Variants in ARHGAP11B observed in about 807,000 individuals in gnomAD.
ARHGAP11B encodes Rho GTPase activating protein 11B.
Under a neutral mutation model 27.6 loss-of-function variants are expected in ARHGAP11B, and 14 were observed. That is an observed-to-expected ratio of 0.51 (90% CI 0.34 to 0.79). The LOEUF is 0.79. Among genes scored for constraint, ARHGAP11B ranks in the 30% least tolerant of loss-of-function variants. ARHGAP11B has a pLI of 0.02. For missense variants in ARHGAP11B, 245 were observed against 320.1 expected (o/e 0.77, Z 1.79); for synonymous variants, 82 against 114.1 (o/e 0.72, Z 1.80).
At chr15:30,629,446 C>T (rs1244539516) in intron 1 of ARHGAP11B, among the ~76,000 whole-genome samples, 2 of 151,908 alleles carry the variant, frequency 1.3e-5, no homozygotes, top group African/African-American at 2.4e-5. Context: ...CCCAGCTACT[C>T]GGGAAGCTGA....
At chr15:30,642,621 G>A (rs2060322286) in intron 7 of ARHGAP11B, among the ~76,000 whole-genome samples, 1 of 151,648 alleles carries the variant, frequency 6.6e-6, no homozygotes, top group Non-Finnish European at 1.5e-5. Flanking sequence ...ATTTTATATA[G>A]ATAACAGTAA....
chr15:30,646,691 C>G (rs1186684213), intron 9 of ARHGAP11B, among the ~76,000 whole-genome samples: 8 of 151,338 alleles, frequency 5.3e-5, no homozygotes. Flanking sequence ...GAAATTAGCC[C>G]AGGCGCAGTG....
chr15:30,636,903 A>G (rs535271917), intron 6 of ARHGAP11B, among the ~76,000 whole-genome samples: 9 of 152,070 alleles, frequency 5.9e-5, no homozygotes, highest in African/African-American at 2.2e-4. Context: ...AAATGACCTC[A>G]TTTTAACTCG....
At chr15:30,644,982 C>T (rs1436862631) in intron 8 of ARHGAP11B, among the ~76,000 whole-genome samples, 2 of 151,734 alleles carry the variant, frequency 1.3e-5, no homozygotes, top group South Asian at 4.1e-4. Context: ...GGGCCTCCTC[C>T]CTTCCGTTCA....
chr15:30,646,588 G>A (rs1391830902), intron 9 of ARHGAP11B, among the ~76,000 whole-genome samples: 1 of 151,840 alleles, frequency 6.6e-6, no homozygotes, highest in African/African-American at 2.4e-5. Context: ...GTGAACCCCA[G>A]GGGCGCGGAG....
chr15:30,635,605 T>C lies in ARHGAP11B; in HGVS notation c.779T>C (p.Ile260Thr), dbSNP rs982807770. 3.3e-5 allele frequency: 54 copies of C among 1,613,340 alleles called. No homozygotes were observed. Among genetic ancestry groups the C allele is most frequent in the Non-Finnish European group, 4.5e-5 (53 of 1,179,622 alleles). ...GTGAATATGAAACTCCTGGTGAATA[T>C]AAGAGAAAGAGAAGACAACGTGTAG... The change falls in exon 6 of 11, where the codon ATA becomes ACA. Residue 260 changes from isoleucine (I) to threonine (T), a missense_variant. By Grantham distance (89) the Ile-to-Thr change is moderately conservative. Around this residue, in one of 3 missense-constraint regions of ARHGAP11B, gnomAD observed 129 missense variants for 159.9 expected, o/e 0.81. Coordinates refer to ENST00000428041, the Ensembl canonical transcript of ARHGAP11B.
intron 1 of ARHGAP11B, among the ~76,000 whole-genome samples, chr15:30,627,458 A>G (rs1486923851): frequency 6.6e-6 from 1 of 152,090 alleles, no homozygotes; most frequent in East Asian, 1.9e-4. Flanking sequence ...ATGAATCTGT[A>G]GATGAAGTAT....
chr15:30,641,157 G>T (rs551087696), intron 7 of ARHGAP11B, among the ~76,000 whole-genome samples: 39 of 151,786 alleles, frequency 2.6e-4, no homozygotes, highest in African/African-American at 8.5e-4. Context: ...AATAATAATC[G>T]TATTATTTTT....
chr15:30,648,800 A>G (rs1398802364), exon 11 of ARHGAP11B: 1 of 152,014 alleles, frequency 6.6e-6, no homozygotes, highest in Non-Finnish European at 1.5e-5. Context: ...CGATGCTGGT[A>G]AAATATGGGT....
chr15:30,626,771 A>T (rs763438128), exon 1 of ARHGAP11B: 5 of 1,572,638 alleles, frequency 3.2e-6, no homozygotes, highest in South Asian at 1.2e-5. Flanking sequence ...CTTGGTGGCG[A>T]ACGAGGGTCA....
chr15:30,643,865 G>A (rs1595679334), intron 7 of ARHGAP11B, among the ~76,000 whole-genome samples: 1 of 152,032 alleles, frequency 6.6e-6, no homozygotes, highest in South Asian at 2.1e-4. Flanking sequence ...AATGATGGTT[G>A]AATTTTTAAT....
chr15:30,633,832 A>T (rs2060261158), intron 3 of ARHGAP11B, among the ~76,000 whole-genome samples: 1 of 151,766 alleles, frequency 6.6e-6, no homozygotes, highest in African/African-American at 2.4e-5. Flanking sequence ...AAAATGAAAA[A>T]ATGTGTTAAG....
intron 2 of ARHGAP11B, among the ~76,000 whole-genome samples, chr15:30,632,149 C>T (rs1211755380): frequency 6.4e-5 from 1 of 15,634 alleles, no homozygotes; most frequent in African/African-American, 2.9e-4. Flanking sequence ...TAGCCGGGCG[C>T]GGGGGCTCAC....
At chr15:30,648,844 A>G (rs1376784227) in exon 11 of ARHGAP11B, 6 of 152,040 alleles carry the variant, frequency 3.9e-5, no homozygotes, top group African/African-American at 4.8e-5. Context: ...GCTTAATAAT[A>G]AGGGTAATTC....
chr15:30,633,494 C>T (rs2060258609), exon 3 of ARHGAP11B: 1 of 1,608,766 alleles, frequency 6.2e-7, no homozygotes, highest in Non-Finnish European at 8.5e-7. Context: ...TTTCAGCTTT[C>T]TTGTCGATGC....
chr15:30,641,208 A>T (rs1157172675), intron 7 of ARHGAP11B, among the ~76,000 whole-genome samples: 1 of 152,086 alleles, frequency 6.6e-6, no homozygotes, highest in Non-Finnish European at 1.5e-5. Flanking sequence ...GCCACAATTC[A>T]ACAAATTCCA....
At chr15:30,639,288 T>C (rs2060300962) in intron 7 of ARHGAP11B, among the ~76,000 whole-genome samples, 1 of 151,598 alleles carries the variant, frequency 6.6e-6, no homozygotes, top group Non-Finnish European at 1.5e-5. Flanking sequence ...AAAAATAATA[T>C]TTAGATTAGT....
Position 30,646,280 on chromosome 15 carries a change from T to C in ARHGAP11B, c.*309T>C, listed in dbSNP as rs145453249. On this transcript the variant is annotated 3_prime_UTR_variant, in exon 9 of 11. Transcript: ENST00000428041. ...GTCACCAGGAGGTGGCCACCAGGCT[T>C]CTCCTTTCCCCGCTGGTAGGCCTCT... 7,883 of 971,490 alleles carry C rather than the reference T, an allele frequency of 8.1e-3. 258 individuals are homozygous for C. In the African/African-American group the frequency reaches 0.082, roughly 10 times the overall value. The allele number at this position is 971,490 out of a possible 1,614,324, so 60.2% of individuals were successfully genotyped here. A position where few individuals can be genotyped will look rare whatever the true frequency, so the allele number is the denominator to read the frequency against.
intron 7 of ARHGAP11B, among the ~76,000 whole-genome samples, chr15:30,639,975 T>A (rs1422321853): frequency 4.0e-4 from 37 of 92,980 alleles, no homozygotes; most frequent in African/African-American, 1.2e-3. Flanking sequence ...ATATAGAGTG[T>A]GTGTGTGTGT....
Sources: gnomAD v4.1 joint callset for allele counts (sites outside exome capture counted in the v4.1 genomes callset) on GRCh38, gnomAD v4.1.1 for gene constraint, gnomAD v4.1.1 regional missense constraint, MANE v1.5 for transcripts, NCBI Gene and HGNC (gene_info 2026-07-23, HGNC 2026-07-21) for gene names.